Variants in FAM184B observed in about 807,000 individuals in gnomAD.
FAM184B encodes the protein family with sequence similarity 184 member B.
A neutral mutation model predicts 135.9 loss-of-function variants in FAM184B; 111 were observed. The observed-to-expected ratio is 0.82, with a 90% CI of 0.70 to 0.96. FAM184B has a LOEUF of 0.96. Among genes scored for constraint, FAM184B ranks in the 40% least tolerant of loss-of-function variants. FAM184B has a pLI of 0.00. For synonymous variants in FAM184B, 552 were observed against 524.8 expected, an observed-to-expected ratio of 1.05 and a Z score of -0.71; for missense variants, 1,375 against 1,323.9, an observed-to-expected ratio of 1.04 and a Z score of -0.60.
chr4:17,667,316 A>G (rs1389965906), intron 7 of FAM184B, among the ~76,000 whole-genome samples: 2 of 152,290 alleles, frequency 1.3e-5, no homozygotes, highest in Admixed American at 1.3e-4. Context: ...ATTGTCATGA[A>G]AATCCCCTGG....
intron 5 of FAM184B, 83 bp downstream of exon 5, chr4:17,704,917 G>T (rs903518458): frequency 8.1e-7 from 1 of 1,241,190 alleles, no homozygotes; most frequent in Non-Finnish European, 1.1e-6. Flanking sequence ...GTTTGAGGAA[G>T]AAAAGAAGGA....
At chr4:17,707,843 T>G in intron 2 of FAM184B, 59 bp from the exon 3 acceptor site, 1 of 1,540,274 alleles carries the variant, frequency 6.5e-7, no homozygotes, top group Non-Finnish European at 8.8e-7. Flanking sequence ...AGACATCCTG[T>G]GTACACAGAA....
chr4:17,637,623 G>A (rs897868827), intron 14 of FAM184B, among the ~76,000 whole-genome samples: 1 of 152,120 alleles, frequency 6.6e-6, no homozygotes, highest in Admixed American at 6.6e-5. Context: ...GACTGTAACT[G>A]GTAAAACCTT....
intron 1 of FAM184B, among the ~76,000 whole-genome samples, chr4:17,780,454 G>C (rs1218600261): frequency 1.3e-5 from 2 of 152,130 alleles, no homozygotes; most frequent in Admixed American, 6.5e-5. Flanking sequence ...TCTAATTGGG[G>C]AGCTGCAGAG....
intron 14 of FAM184B, among the ~76,000 whole-genome samples, chr4:17,638,975 T>G (rs1180665120): frequency 1.3e-5 from 2 of 152,066 alleles, no homozygotes; most frequent in Non-Finnish European, 2.9e-5. Context: ...TAGCTGGGAT[T>G]ACAGGCGTGT....
chr4:17,765,500 C>T lies in FAM184B; in HGVS notation c.141+15659G>A, dbSNP rs775377662. Among the ~76,000 whole-genome samples the T allele has an allele frequency of 5.9e-5, 9 of 151,776 alleles. No homozygotes were observed. The East Asian group carries it at 1.3e-3, about 23-fold the overall frequency. On this transcript the variant is annotated intron_variant, in intron 1 of 17. Coordinates refer to ENST00000265018, the MANE Select transcript of FAM184B (RefSeq NM_015688.2). ...AGGGATTATCTCAACCTAACTTTCA[C>T]GATCCCTCGTATTGACAATATTTCA...
intron 1 of FAM184B, among the ~76,000 whole-genome samples, chr4:17,718,462 T>C (rs1717445065): frequency 6.6e-6 from 1 of 152,184 alleles, no homozygotes; most frequent in Non-Finnish European, 1.5e-5. Flanking sequence ...GTTGAGGGGC[T>C]TATAGGCTAG....
At chr4:17,764,800 C>G (rs566313377) in intron 1 of FAM184B, among the ~76,000 whole-genome samples, 2 of 152,206 alleles carry the variant, frequency 1.3e-5, no homozygotes, top group African/African-American at 4.8e-5. Flanking sequence ...CGCGGTGGCT[C>G]ACGCCTGTAA....
chr4:17,770,436 A>AGTTGTTGTTGTT (rs10597477), intron 1 of FAM184B, among the ~76,000 whole-genome samples: 4 of 94,908 alleles, frequency 4.2e-5, no homozygotes, highest in South Asian at 3.2e-4. Flanking sequence ...CCTCAGAACT[A>AGTTGTTGTTGTT]GTTGTTGTTG....
chr4:17,774,130 A>G (rs1285426368), intron 1 of FAM184B, among the ~76,000 whole-genome samples: 1 of 151,990 alleles, frequency 6.6e-6, no homozygotes, highest in Non-Finnish European at 1.5e-5. Context: ...CAACCCTAGC[A>G]CTCTGGAAGG....
chr4:17,690,544 T>C (rs1404515659), intron 6 of FAM184B, among the ~76,000 whole-genome samples: 3 of 152,144 alleles, frequency 2.0e-5, no homozygotes, highest in African/African-American at 4.8e-5. Flanking sequence ...GAAAGATCCA[T>C]GGCAACGCTC....
chr4:17,686,601 C>A (rs1716596817), intron 7 of FAM184B, among the ~76,000 whole-genome samples: 1 of 152,212 alleles, frequency 6.6e-6, no homozygotes, highest in Admixed American at 6.5e-5. Context: ...CTGCCCTCAC[C>A]TTCAGTTTTC....
At chr4:17,742,262 G>A (rs752306351) in intron 1 of FAM184B, among the ~76,000 whole-genome samples, 5 of 150,778 alleles carry the variant, frequency 3.3e-5, no homozygotes, top group Non-Finnish European at 5.9e-5. Flanking sequence ...GAAGTCAGGA[G>A]TTTGAGACCA....
chr4:17,646,004 A>G (rs1441245487), intron 12 of FAM184B, among the ~76,000 whole-genome samples: 2 of 152,200 alleles, frequency 1.3e-5, no homozygotes, highest in Non-Finnish European at 2.9e-5. Flanking sequence ...GCCATCAGAG[A>G]AATGCAAATC....
intron 1 of FAM184B, among the ~76,000 whole-genome samples, chr4:17,724,857 C>T (rs1403002020): frequency 1.3e-5 from 2 of 152,190 alleles, no homozygotes; most frequent in Non-Finnish European, 2.9e-5. Context: ...CCAGACCACC[C>T]TTCGTAGGAC....
chr4:17,734,519 A>G (rs1028554534), intron 1 of FAM184B, among the ~76,000 whole-genome samples: 2 of 152,228 alleles, frequency 1.3e-5, no homozygotes, highest in African/African-American at 4.8e-5. Flanking sequence ...AAGTGGGCAA[A>G]GGATATGAAC....
intron 7 of FAM184B, among the ~76,000 whole-genome samples, chr4:17,687,940 G>A (rs1281119767): frequency 2.0e-5 from 3 of 152,164 alleles, no homozygotes; most frequent in Non-Finnish European, 4.4e-5. Flanking sequence ...AACCCACCGT[G>A]AGCCAGACAG....
In FAM184B at chr4:17,636,561, C is replaced by T; in HGVS notation, c.2751G>A (p.Leu917=). Residue 917 remains leucine, a synonymous_variant, in exon 15 of 18, where the codon CTG becomes CTA. Transcript: ENST00000265018. The part of the protein sequence containing the change: ...LQLIGRLQTR[L]KEREDIIKQL... ...GCTTGATGATGTCCTCTCTCTCCTT[C>T]AGGCGGGTCTGCAGGCGGCCAATGA... is the stretch of plus-strand genomic sequence containing the variant. The T allele has an allele frequency of 6.4e-6, 10 of 1,551,102 alleles. No individual in the cohort carries two copies. Among genetic ancestry groups the T allele is most frequent in the Non-Finnish European group, 7.8e-6 (9 of 1,146,874 alleles).
intron 6 of FAM184B, among the ~76,000 whole-genome samples, chr4:17,688,784 C>A (rs1410533152): frequency 6.6e-6 from 1 of 151,022 alleles, no homozygotes. Context: ...CTCCACCTCC[C>A]GGGTTCAAGT....
Sources: allele counts gnomAD v4.1 joint callset (sites outside exome capture counted in the v4.1 genomes callset), GRCh38; gene constraint gnomAD v4.1.1; transcripts MANE v1.5; gene names NCBI Gene and HGNC (gene_info 2026-07-23, HGNC 2026-07-21).